KCNAB1: variants seen among roughly 807,000 people sequenced by gnomAD.
KCNAB1 encodes the protein potassium voltage-gated channel subfamily A regulatory beta subunit 1, also known as voltage-gated potassium channel subunit beta-1.
Under a neutral mutation model 64.6 loss-of-function variants are expected in KCNAB1, and 35 were observed. That is an observed-to-expected ratio of 0.54 (90% confidence interval 0.41 to 0.72). The LOEUF (loss-of-function observed/expected upper bound fraction) is 0.72. Among genes scored for constraint, KCNAB1 ranks in the 30% least tolerant of loss-of-function variants. The pLI is 0.00. For synonymous variants in KCNAB1, 177 were observed against 183.8 expected, an observed-to-expected ratio of 0.96 and a Z score of 0.30; for missense variants, 401 against 512.9, an observed-to-expected ratio of 0.78 and a Z score of 2.11.
chr3:156,301,871 A>G (rs1412344583), intron 1 of KCNAB1, among the ~76,000 whole-genome samples: 1 of 152,202 alleles, frequency 6.6e-6, no homozygotes, highest in Non-Finnish European at 1.5e-5. Context: ...ATTTTTTAAA[A>G]GGGGGTACAG....
At chr3:156,311,707 T>A (rs115074305) in intron 1 of KCNAB1, among the ~76,000 whole-genome samples, 1 of 152,084 alleles carries the variant, frequency 6.6e-6, no homozygotes, top group Non-Finnish European at 1.5e-5. Flanking sequence ...CTTAGGAAGA[T>A]GGCTGGTGTG....
At chr3:156,407,179 C>G (rs1230487270) in intron 1 of KCNAB1, among the ~76,000 whole-genome samples, 1 of 152,188 alleles carries the variant, frequency 6.6e-6, no homozygotes, top group Non-Finnish European at 1.5e-5. Flanking sequence ...TGGTCCTGCT[C>G]TCTCCTCACA....
intron 12 of KCNAB1, among the ~76,000 whole-genome samples, chr3:156,526,655 T>C (rs1224381735): frequency 2.0e-5 from 3 of 152,206 alleles, no homozygotes; most frequent in Non-Finnish European, 4.4e-5. Flanking sequence ...TGTCAGGTTC[T>C]ATAGTAAGCA....
intron 1 of KCNAB1, among the ~76,000 whole-genome samples, chr3:156,181,004 G>GAGAA (rs1712772853): frequency 6.6e-6 from 1 of 152,160 alleles, no homozygotes; most frequent in Non-Finnish European, 1.5e-5. Flanking sequence ...TCTCTCCTTG[G>GAGAA]CTTACAGAGA....
chr3:156,119,859 G>A (rs1396110961), upstream of KCNAB1, among the ~76,000 whole-genome samples: 1 of 152,086 alleles, frequency 6.6e-6, no homozygotes, highest in African/African-American at 2.4e-5. Flanking sequence ...TGCACATACA[G>A]GCTCCCACCA....
chr3:156,348,243 G>A (rs1466845347), intron 1 of KCNAB1, among the ~76,000 whole-genome samples: 2 of 152,166 alleles, frequency 1.3e-5, no homozygotes, highest in Non-Finnish European at 2.9e-5. Flanking sequence ...GTGAGTGGAA[G>A]AACATCCAGA....
At chr3:156,146,071 C>T (rs1225124257) in intron 1 of KCNAB1, among the ~76,000 whole-genome samples, 1 of 152,082 alleles carries the variant, frequency 6.6e-6, no homozygotes, top group Non-Finnish European at 1.5e-5. Flanking sequence ...GCTTGGGTCC[C>T]TCGATCATCT....
At chr3:156,295,514 C>T (rs759989837) in intron 1 of KCNAB1, among the ~76,000 whole-genome samples, 5 of 152,092 alleles carry the variant, frequency 3.3e-5, no homozygotes, top group Non-Finnish European at 7.4e-5. Flanking sequence ...TGCTTAAAGG[C>T]ACTATTATAT....
At chr3:156,284,831 A>AT (rs1719996599) in intron 1 of KCNAB1, among the ~76,000 whole-genome samples, 1 of 152,132 alleles carries the variant, frequency 6.6e-6, no homozygotes, top group Non-Finnish European at 1.5e-5. Flanking sequence ...CGGCTCGCGC[A>AT]CGATGCGCGC....
In KCNAB1 at chr3:156,508,699, T is replaced by G. The variant is rs955461299; in HGVS notation, c.659-5665T>G. Among the ~76,000 whole-genome samples, 3 of 152,192 alleles carry G rather than the reference T, an allele frequency of 2.0e-5. No homozygotes were observed. The highest frequency in any genetic ancestry group is 7.2e-5 in the African/African-American group (3 of 41,426). On this transcript the variant is annotated intron_variant, in intron 8 of 13. Transcript: ENST00000490337. The surrounding 1 kb of genome is among the most constrained non-coding windows in gnomAD (Gnocchi z 4.1). ...TCCCACGTCAAGCTTTGAAAGAATT[T>G]CACAACATCCATATCATTTCTCACT...
chr3:156,120,499 A>C (rs960167782), upstream of KCNAB1: 4 of 1,178,306 alleles, frequency 3.4e-6, no homozygotes, highest in African/African-American at 3.1e-5. Flanking sequence ...GTGGCAGGAT[A>C]AGGTTAAGAG....
rs1053925771 is a variant in KCNAB1, at chr3:156,537,650, T to C, written c.*903T>C. The C allele has an allele frequency of 6.5e-6, 1 of 152,678 alleles. No homozygotes were observed. Among genetic ancestry groups the C allele is most frequent in the Admixed American group, 6.5e-5 (1 of 15,286 alleles). The allele number at this position is 152,678 out of a possible 1,614,324, so 9.5% of individuals were successfully genotyped here. A position where few individuals can be genotyped will look rare whatever the true frequency, so the allele number is the denominator to read the frequency against. On this transcript the variant is annotated 3_prime_UTR_variant, in exon 14 of 14. Coordinates refer to ENST00000490337, the MANE Select transcript of KCNAB1 (RefSeq NM_172160.3). ...TTACTACATTTTATTAAAACCTGCTTTATACTTTCAACTGCTTGTAGGCAC... is the reference window on the plus strand; with the variant it reads ...TTACTACATTTTATTAAAACCTGCTCTATACTTTCAACTGCTTGTAGGCAC...
At chr3:156,193,212 TCTTAA>T (rs1360129046) in intron 1 of KCNAB1, among the ~76,000 whole-genome samples, 1 of 152,142 alleles carries the variant, frequency 6.6e-6, no homozygotes, top group Non-Finnish European at 1.5e-5. Context: ...TATAGATGGT[TCTTAA>T]CTTATGAAGA....
chr3:156,369,374 G>A (rs1686277337), intron 1 of KCNAB1, among the ~76,000 whole-genome samples: 1 of 152,120 alleles, frequency 6.6e-6, no homozygotes, highest in Non-Finnish European at 1.5e-5. Flanking sequence ...CCAGTTTGGG[G>A]TTATTATAAA....
At chr3:156,461,120 C>G (rs1712875795) in intron 5 of KCNAB1, among the ~76,000 whole-genome samples, 1 of 151,990 alleles carries the variant, frequency 6.6e-6, no homozygotes, top group African/African-American at 2.4e-5. Flanking sequence ...TACTTTCCCA[C>G]TCAGAGTATT....
At chr3:156,192,596 A>G (rs1276370630) in intron 1 of KCNAB1, among the ~76,000 whole-genome samples, 3 of 152,130 alleles carry the variant, frequency 2.0e-5, no homozygotes, top group African/African-American at 7.2e-5. Flanking sequence ...TGAGTTCTCC[A>G]AATGTGATGA....
chr3:156,418,740 C>T (rs1715268887), intron 1 of KCNAB1, among the ~76,000 whole-genome samples: 1 of 152,134 alleles, frequency 6.6e-6, no homozygotes, highest in Non-Finnish European at 1.5e-5. Flanking sequence ...CACACAGAGA[C>T]CCAGATATAT....
At position 156,426,398 on chromosome 3, in the gene KCNAB1, C is replaced by T. The variant is rs111240059; in HGVS notation, c.319+4739C>T. On this transcript the variant is annotated intron_variant, in intron 2 of 13. Coordinates refer to ENST00000490337, the MANE Select transcript of KCNAB1 (RefSeq NM_172160.3). Reference sequence around the variant, plus strand: ...GTTCCCATACACCCCTATCCCTACACATGCATAACCTCCCTCGTTATCAGC... The same window carrying T: ...GTTCCCATACACCCCTATCCCTACATATGCATAACCTCCCTCGTTATCAGC... Among the ~76,000 whole-genome samples, 252 of 152,358 alleles carry T rather than the reference C, an allele frequency of 1.7e-3. 2 individuals are homozygous for T. The highest frequency in any genetic ancestry group is 5.8e-3 in the African/African-American group (241 of 41,588).
intron 8 of KCNAB1, among the ~76,000 whole-genome samples, chr3:156,504,060 T>C (rs1716645783): frequency 1.3e-5 from 2 of 152,172 alleles, no homozygotes; most frequent in African/African-American, 4.8e-5. Flanking sequence ...GTATCCTCCT[T>C]TCCCTCCCAC....
Sources: allele counts gnomAD v4.1 joint callset (sites outside exome capture counted in the v4.1 genomes callset), GRCh38; gene constraint gnomAD v4.1.1; non-coding constraint Gnocchi (gnomAD v3.1); transcripts MANE v1.5; gene names NCBI Gene and HGNC (gene_info 2026-07-23, HGNC 2026-07-21).